LRBA: variants seen among roughly 807,000 people sequenced by gnomAD.
The protein encoded by LRBA is LPS responsive beige-like anchor protein.
Under a neutral mutation model 330.0 loss-of-function variants are expected in LRBA, and 176 were observed. The ratio of observed to expected loss-of-function variants is 0.53; its 90% CI spans 0.47 to 0.60. The LOEUF (loss-of-function observed/expected upper bound fraction) is 0.60. Among genes scored for constraint, LRBA ranks in the 20% least tolerant of loss-of-function variants. The pLI is 0.00. For synonymous variants in LRBA, 1,230 were observed against 1,193.0 expected (o/e 1.03, Z -0.64); for missense variants, 3,259 against 3,444.8 (o/e 0.95, Z 1.35).
rs539837519 is a variant in LRBA, at chr4:150,291,600, T to C, written c.8018-5566A>G. On this transcript the variant is annotated intron_variant, in intron 53 of 56. Transcript: ENST00000651943. ...AGGTGCTGGAGAGGATGTGGAGAAA[T>C]AGGAACACTTTTACACTGTTGGTGG... 3.5e-3 allele frequency among the ~76,000 whole-genome samples: 345 copies of C among 99,128 alleles called. 3 individuals are homozygous for C. The highest frequency in any genetic ancestry group is 0.013 in the African/African-American group (334 of 25,852). 65.0% of individuals were successfully genotyped at this position (99,128 alleles called of 152,430 possible). A position where few individuals can be genotyped will look rare whatever the true frequency, so the allele number is the denominator to read the frequency against.
At chr4:150,854,120 C>T (rs1750944169) in intron 22 of LRBA, among the ~76,000 whole-genome samples, 1 of 152,116 alleles carries the variant, frequency 6.6e-6, no homozygotes, top group African/African-American at 2.4e-5. Context: ...ATTAACTCGC[C>T]TTTACTCATG....
chr4:150,489,004 A>G (rs1247131651), intron 41 of LRBA, among the ~76,000 whole-genome samples: 1 of 118,922 alleles, frequency 8.4e-6, no homozygotes, highest in East Asian at 2.3e-4. Context: ...ATATAAGAAT[A>G]TATAATATAT....
intron 55 of LRBA, among the ~76,000 whole-genome samples, chr4:150,278,707 G>A (rs770988228): frequency 1.2e-4 from 18 of 152,160 alleles, no homozygotes; most frequent in Non-Finnish European, 1.9e-4. Context: ...GAAAGCCTGC[G>A]GGCCAAGTGC....
rs539362564 is a variant in LRBA, at chr4:150,352,959, C to T, written c.7195-2800G>A. Among the ~76,000 whole-genome samples, 7 of 152,256 alleles carry T rather than the reference C, an allele frequency of 4.6e-5. No homozygotes were observed. The South Asian group carries it at 1.5e-3, about 32-fold the overall frequency. On this transcript the variant is annotated intron_variant, in intron 47 of 56. Transcript: ENST00000651943. Reference sequence around the variant, plus strand: ...ATTTATATCATTTAAATGTTTACTGCCAGACTAGCTCATCACTCATTTAAA... The same window carrying T: ...ATTTATATCATTTAAATGTTTACTGTCAGACTAGCTCATCACTCATTTAAA...
chr4:150,938,597 T>C (rs1158313924), intron 2 of LRBA, among the ~76,000 whole-genome samples: 15 of 152,226 alleles, frequency 9.9e-5, no homozygotes, highest in Non-Finnish European at 2.9e-5. Context: ...GTGCAACCTC[T>C]AGGTATTATT....
chr4:150,473,905 T>C (rs1478070725), intron 42 of LRBA, among the ~76,000 whole-genome samples: 1 of 152,222 alleles, frequency 6.6e-6, no homozygotes, highest in Non-Finnish European at 1.5e-5. Flanking sequence ...GATATACAAA[T>C]GTTGTATCAG....
intron 37 of LRBA, among the ~76,000 whole-genome samples, chr4:150,658,503 A>T (rs1480013992): frequency 8.0e-5 from 2 of 25,148 alleles, no homozygotes; most frequent in East Asian, 2.8e-3. Flanking sequence ...CAGAAAATAA[A>T]AGTCTCCCTC....
chr4:150,506,346 A>G (rs1422267883), intron 40 of LRBA, among the ~76,000 whole-genome samples: 6 of 152,282 alleles, frequency 3.9e-5, no homozygotes, highest in Non-Finnish European at 7.4e-5. Flanking sequence ...CTGGCAAACC[A>G]AATCCAGCAG....
At chr4:150,514,386 C>T (rs745802776) in intron 40 of LRBA, among the ~76,000 whole-genome samples, 1 of 151,904 alleles carries the variant, frequency 6.6e-6, no homozygotes, top group Non-Finnish European at 1.5e-5. Context: ...TTTCATAGTT[C>T]CTGACAACCT....
intron 55 of LRBA, among the ~76,000 whole-genome samples, chr4:150,278,346 T>G (rs1747079035): frequency 6.6e-6 from 1 of 152,162 alleles, no homozygotes; most frequent in Admixed American, 6.5e-5. Context: ...ACTGCAGACA[T>G]GCTAATAAGC....
At chr4:150,731,157 A>T (rs1362724633) in intron 36 of LRBA, among the ~76,000 whole-genome samples, 2 of 152,202 alleles carry the variant, frequency 1.3e-5, no homozygotes, top group Admixed American at 6.5e-5. Flanking sequence ...GCTGTCGAGG[A>T]TGTGGAGAAA....
chr4:150,369,695 G>T (rs1339241213), intron 47 of LRBA, among the ~76,000 whole-genome samples: 1 of 151,934 alleles, frequency 6.6e-6, no homozygotes, highest in East Asian at 1.9e-4. Context: ...ATTTTGCTAA[G>T]TATTGTACGT....
At chr4:150,957,797 G>A (rs1037566736) in intron 2 of LRBA, among the ~76,000 whole-genome samples, 1 of 149,078 alleles carries the variant, frequency 6.7e-6, no homozygotes, top group Non-Finnish European at 1.5e-5. Context: ...AGGGGCTACA[G>A]GTCCCGTGCA....
intron 17 of LRBA, among the ~76,000 whole-genome samples, chr4:150,879,084 C>A (rs1326649146): frequency 1.3e-5 from 2 of 152,002 alleles, no homozygotes; most frequent in Admixed American, 6.6e-5. Context: ...AAACTACAGG[C>A]CAATATCCCT....
chr4:150,378,389 C>T (rs1004160410), intron 47 of LRBA, among the ~76,000 whole-genome samples: 5 of 152,118 alleles, frequency 3.3e-5, no homozygotes, highest in Admixed American at 2.0e-4. Context: ...TTCTTCTGTA[C>T]GCAAGTAAAT....
chr4:150,894,438 A>C (rs1043375445), intron 16 of LRBA, among the ~76,000 whole-genome samples: 1 of 152,218 alleles, frequency 6.6e-6, no homozygotes, highest in Non-Finnish European at 1.5e-5. Context: ...TACCAGCACA[A>C]GAAACGAGTT....
intron 2 of LRBA, among the ~76,000 whole-genome samples, chr4:150,990,982 C>G (rs958079982): frequency 1.4e-5 from 2 of 147,462 alleles, no homozygotes; most frequent in Non-Finnish European, 3.0e-5. Flanking sequence ...GAACCTCGGA[C>G]AGGGAGGTTG....
At chr4:150,837,795 A>G (rs1748383146) in intron 28 of LRBA, among the ~76,000 whole-genome samples, 1 of 152,158 alleles carries the variant, frequency 6.6e-6, no homozygotes, top group Non-Finnish European at 1.5e-5. Flanking sequence ...ATTTACATTT[A>G]AAGTTAATAT....
chr4:150,714,768 A>T (rs1786573882), intron 36 of LRBA, among the ~76,000 whole-genome samples: 1 of 152,134 alleles, frequency 6.6e-6, no homozygotes, highest in African/African-American at 2.4e-5. Flanking sequence ...ATTAAAATAT[A>T]TTTTTTTCCA....
Sources: allele counts gnomAD v4.1 joint callset (sites outside exome capture counted in the v4.1 genomes callset), GRCh38; gene constraint gnomAD v4.1.1; transcripts MANE v1.5; gene names NCBI Gene and HGNC (gene_info 2026-07-23, HGNC 2026-07-21).